Variants in GPM6B observed in about 807,000 individuals in gnomAD.
GPM6B encodes neuronal membrane glycoprotein M6-b.
Under a neutral mutation model 27.2 loss-of-function variants are expected in GPM6B, and 4 were observed. The ratio of observed to expected loss-of-function variants is 0.15; its 90% CI spans 0.07 to 0.34. GPM6B has a LOEUF of 0.34. Ranked by LOEUF, GPM6B falls within the 10% of genes least tolerant of loss-of-function variation. The probability of loss-of-function intolerance (pLI) is 1.00; values close to 1 mark genes in which losing one functional copy is unlikely to be tolerated. For missense variants in GPM6B, 183 were observed against 261.9 expected, an observed-to-expected ratio of 0.70 and a Z score of 2.08; for synonymous variants, 124 against 103.1, an observed-to-expected ratio of 1.20 and a Z score of -1.23.
intron 2 of GPM6B, among the ~76,000 whole-genome samples, chrX:13,791,297 C>T (rs2048709283): frequency 9.1e-6 from 1 of 110,298 alleles, no homozygotes; most frequent in South Asian, 3.9e-4. Context: ...GCAGCCTCAA[C>T]CTCCTGGGTT....
intron 1 of GPM6B, among the ~76,000 whole-genome samples, chrX:13,917,009 C>T (rs149105749): frequency 0.016 from 1,789 of 110,710 alleles, 31 homozygotes; most frequent in African/African-American, 0.055. Flanking sequence ...CTCAGGAGTT[C>T]GAGATCAGCC....
At chrX:13,782,229 C>T (rs1434073758) in intron 4 of GPM6B, among the ~76,000 whole-genome samples, 1 of 111,947 alleles carries the variant, frequency 8.9e-6, no homozygotes, top group Non-Finnish European at 1.9e-5. Flanking sequence ...TTTCGACTTT[C>T]TCCAACAAAA....
At chrX:13,843,195 T>A (rs1314568252) in intron 1 of GPM6B, among the ~76,000 whole-genome samples, 1 of 112,330 alleles carries the variant, frequency 8.9e-6, no homozygotes, top group Non-Finnish European at 1.9e-5. Flanking sequence ...TCTGGACACA[T>A]GGATATGTAG....
intron 1 of GPM6B, among the ~76,000 whole-genome samples, chrX:13,906,425 G>T (rs1468524472): frequency 8.9e-6 from 1 of 112,036 alleles, no homozygotes; most frequent in Non-Finnish European, 1.9e-5. Flanking sequence ...GGGGGAAGGG[G>T]GTGGGGAGGA....
intron 3 of GPM6B, chrX:13,783,837 A>G (rs747353222): frequency 2.6e-6 from 1 of 377,751 alleles, no homozygotes; most frequent in South Asian, 2.6e-5. Context: ...AAACACAGGC[A>G]TTGAGGAGTT....
At chrX:13,828,804 C>T (rs1471940397) in intron 1 of GPM6B, among the ~76,000 whole-genome samples, 9 of 111,888 alleles carry the variant, frequency 8.0e-5, no homozygotes, top group Non-Finnish European at 3.8e-5. Flanking sequence ...AGCACTACTA[C>T]AATAACTTTA....
chrX:13,890,293 A>G (rs1202186087), intron 1 of GPM6B, among the ~76,000 whole-genome samples: 1 of 111,904 alleles, frequency 8.9e-6, no homozygotes, highest in East Asian at 2.8e-4. Flanking sequence ...AAGTTACCCT[A>G]TATGGTCTAG....
At position 13,773,989 on chromosome X, in the gene GPM6B, TG is replaced by T. The variant is rs1025018009; in HGVS notation, c.838-960del. The T allele has an allele frequency of 6.7e-5, 10 of 149,684 alleles. No homozygotes were observed. The Admixed American group carries it at 1.2e-3, about 18-fold the overall frequency. The allele number at this position is 149,684 out of a possible 1,213,427, so 12.3% of individuals were successfully genotyped here. A position where few individuals can be genotyped will look rare whatever the true frequency, so the allele number is the denominator to read the frequency against. ...TTTTTTTTTTTTTTTTCCAGAGAAC[TG>T]GGTGACCTTTTTCTTCAAATTTTCA... On this transcript the variant is annotated intron_variant, in intron 7 of 7. Coordinates refer to ENST00000316715, the MANE Select transcript of GPM6B (RefSeq NM_001001995.3).
chrX:13,849,405 A>G (rs1279213963), intron 1 of GPM6B, among the ~76,000 whole-genome samples: 4 of 112,711 alleles, frequency 3.5e-5, no homozygotes, highest in Admixed American at 1.9e-4. Context: ...ACTGCCTTAC[A>G]TTACATTCAC....
intron 1 of GPM6B, among the ~76,000 whole-genome samples, chrX:13,921,543 C>G (rs1283032542): frequency 9.2e-6 from 1 of 108,386 alleles, no homozygotes; most frequent in African/African-American, 3.4e-5. Flanking sequence ...AGAGTAGCAG[C>G]TCAGAGCAGT....
intron 1 of GPM6B, among the ~76,000 whole-genome samples, chrX:13,930,868 G>A (rs1430094025): frequency 1.8e-5 from 2 of 111,438 alleles, no homozygotes; most frequent in African/African-American, 6.5e-5. Context: ...GGCTTCACTG[G>A]TAAATTCTTG....
chrX:13,857,140 C>A (rs2049790707), intron 1 of GPM6B, among the ~76,000 whole-genome samples: 1 of 111,210 alleles, frequency 9.0e-6, no homozygotes, highest in Admixed American at 9.6e-5. Flanking sequence ...GACATTGGGC[C>A]CACTGAGATA....
intron 1 of GPM6B, among the ~76,000 whole-genome samples, chrX:13,839,296 T>C (rs570772977): frequency 2.7e-5 from 3 of 111,564 alleles, no homozygotes; most frequent in African/African-American, 9.8e-5. Flanking sequence ...AACTTCAAGA[T>C]GTCCCACCTT....
intron 1 of GPM6B, among the ~76,000 whole-genome samples, chrX:13,858,446 C>A (rs925261460): frequency 9.0e-6 from 1 of 111,353 alleles, no homozygotes; most frequent in African/African-American, 3.3e-5. Context: ...ATATTCCCAG[C>A]GTGGCCAATC....
At chrX:13,853,386 T>C (rs2049742115) in intron 1 of GPM6B, among the ~76,000 whole-genome samples, 1 of 109,797 alleles carries the variant, frequency 9.1e-6, no homozygotes, top group African/African-American at 3.3e-5. Flanking sequence ...GGTGAATCAC[T>C]TGAGGTCAGG....
At chrX:13,894,331 G>A (rs993586798) in intron 1 of GPM6B, among the ~76,000 whole-genome samples, 5 of 111,251 alleles carry the variant, frequency 4.5e-5, no homozygotes, top group Admixed American at 9.5e-5. Flanking sequence ...CTCTTAGATC[G>A]AAGACTTGAA....
intron 2 of GPM6B, among the ~76,000 whole-genome samples, chrX:13,806,871 A>C (rs999549746): frequency 8.9e-6 from 1 of 112,033 alleles, no homozygotes; most frequent in Non-Finnish European, 1.9e-5. Context: ...TGTAGTTTGA[A>C]CTATGGTTGT....
chrX:13,855,618 A>G (rs1018808276), intron 1 of GPM6B, among the ~76,000 whole-genome samples: 1 of 112,210 alleles, frequency 8.9e-6, no homozygotes, highest in Non-Finnish European at 1.9e-5. Context: ...AAAAATTTCA[A>G]AATTGCTGAA....
intron 1 of GPM6B, among the ~76,000 whole-genome samples, chrX:13,861,529 C>G (rs950077337): frequency 2.7e-5 from 3 of 111,624 alleles, no homozygotes; most frequent in Non-Finnish European, 3.8e-5. Flanking sequence ...GATAAAAATT[C>G]AACTGTAGAT....
Sources: allele counts gnomAD v4.1 joint callset (sites outside exome capture counted in the v4.1 genomes callset), GRCh38; gene constraint gnomAD v4.1.1; transcripts MANE v1.5; gene names NCBI Gene and HGNC (gene_info 2026-07-23, HGNC 2026-07-21).